RABGAP1L: variants seen among roughly 807,000 people sequenced by gnomAD.
RABGAP1L encodes rab GTPase-activating protein 1-like.
In RABGAP1L, 63 loss-of-function variants were observed where a neutral mutation model predicts 137.7. The observed-to-expected ratio is 0.46, with a 90% CI of 0.37 to 0.56. The LOEUF (loss-of-function observed/expected upper bound fraction) is 0.56, where lower values mean the gene tolerates loss of function less well. Among genes scored for constraint, RABGAP1L ranks in the 20% least tolerant of loss-of-function variants. The pLI is 0.00. For synonymous variants in RABGAP1L, 431 were observed against 433.7 expected, an observed-to-expected ratio of 0.99 and a Z score of 0.08; for missense variants, 1,095 against 1,244.0, an observed-to-expected ratio of 0.88 and a Z score of 1.80.
intron 19 of RABGAP1L, among the ~76,000 whole-genome samples, chr1:174,952,372 A>G (rs568560960): frequency 9.0e-4 from 124 of 137,548 alleles, no homozygotes; most frequent in African/African-American, 3.2e-3. Flanking sequence ...AAAGCTAGGC[A>G]TGGTGGTGTG....
At chr1:174,359,590 A>G (rs1374169273) in intron 11 of RABGAP1L, among the ~76,000 whole-genome samples, 1 of 152,148 alleles carries the variant, frequency 6.6e-6, no homozygotes, top group Non-Finnish European at 1.5e-5. Flanking sequence ...AGTGCCCAAC[A>G]TTTACTGGAT....
intron 11 of RABGAP1L, among the ~76,000 whole-genome samples, chr1:174,342,531 T>C (rs755737804): frequency 5.9e-5 from 9 of 152,178 alleles, no homozygotes; most frequent in South Asian, 2.1e-4. Context: ...GTAAAGCTAG[T>C]CACTGATTTA....
intron 1 of RABGAP1L, among the ~76,000 whole-genome samples, chr1:174,178,184 G>A (rs1367620283): frequency 6.6e-6 from 1 of 152,124 alleles, no homozygotes; most frequent in Non-Finnish European, 1.5e-5. Flanking sequence ...TCTCCTTGAA[G>A]AGGTCCTTCA....
At chr1:174,784,781 T>A (rs1341253996) in intron 18 of RABGAP1L, among the ~76,000 whole-genome samples, 1 of 152,176 alleles carries the variant, frequency 6.6e-6, no homozygotes, top group Non-Finnish European at 1.5e-5. Flanking sequence ...GGTGTTTACC[T>A]GGTACTAGGC....
intron 18 of RABGAP1L, among the ~76,000 whole-genome samples, chr1:174,775,238 A>G (rs938277432): frequency 6.6e-6 from 1 of 152,182 alleles, no homozygotes; most frequent in Admixed American, 6.5e-5. Context: ...CTGCAAGGGA[A>G]CTAGGAAATA....
intron 1 of RABGAP1L, among the ~76,000 whole-genome samples, chr1:174,199,358 C>CT (rs1667940071): frequency 6.6e-6 from 1 of 151,952 alleles, no homozygotes; most frequent in Non-Finnish European, 1.5e-5. Flanking sequence ...GTGGTGTGGT[C>CT]TTGGCTCACT....
chr1:174,286,868 T>A (rs1467000315), intron 10 of RABGAP1L, among the ~76,000 whole-genome samples: 1 of 152,172 alleles, frequency 6.6e-6, no homozygotes, highest in Admixed American at 6.5e-5. Flanking sequence ...TGTTTTTATT[T>A]CTAGTTTTAT....
intron 19 of RABGAP1L, chr1:174,874,569 C>A: frequency 4.2e-4 from 251 of 595,202 alleles, no homozygotes; most frequent in Middle Eastern, 8.8e-4. Flanking sequence ...TAATTCTCCA[C>A]ACCACTGCCT....
intron 1 of RABGAP1L, among the ~76,000 whole-genome samples, chr1:174,192,791 G>T (rs1476199746): frequency 6.6e-6 from 1 of 152,108 alleles, no homozygotes; most frequent in Admixed American, 6.6e-5. Flanking sequence ...AAAGGAATAG[G>T]TTTTTTGCCA....
At chr1:174,491,523 G>T (rs924170181) in intron 13 of RABGAP1L, among the ~76,000 whole-genome samples, 11 of 151,848 alleles carry the variant, frequency 7.2e-5, no homozygotes, top group South Asian at 2.1e-4. Context: ...AGCCACAAGG[G>T]GTCTCTTTTG....
intron 4 of RABGAP1L, chr1:174,238,875 C>T (rs573428331): frequency 6.3e-5 from 10 of 157,602 alleles, no homozygotes; most frequent in Non-Finnish European, 1.1e-4. Flanking sequence ...GCCTTGCTGC[C>T]GCCTTGCAGT....
chr1:174,237,481 G>C (rs374878510), intron 4 of RABGAP1L, among the ~76,000 whole-genome samples: 1 of 71,310 alleles, frequency 1.4e-5, no homozygotes, highest in African/African-American at 5.9e-5. Flanking sequence ...GACAAAATCT[G>C]TCAGCATTTG....
rs200546103 is a variant in RABGAP1L at position 174,957,565 on chromosome 1, T to G, written c.2433+16T>G. 1.1e-4 allele frequency: 180 copies of G among 1,578,696 alleles called. No homozygotes were observed. In the African/African-American group the frequency reaches 2.1e-3, roughly 18 times the overall value. On this transcript the variant is annotated intron_variant, in intron 20 of 25. Transcript: ENST00000681986. ...TAGATACAAGGTATGAGAAATATGT[T>G]GCACCTATCAAAGTACCTTCTTTTT...
intron 11 of RABGAP1L, among the ~76,000 whole-genome samples, chr1:174,311,820 T>A (rs1678882897): frequency 6.6e-6 from 1 of 152,182 alleles, no homozygotes; most frequent in South Asian, 2.1e-4. Flanking sequence ...TTGGCCAGGC[T>A]TGTCTCAAAC....
At chr1:174,367,745 A>G in intron 11 of RABGAP1L, 1 of 194,174 alleles carries the variant, frequency 5.2e-6, no homozygotes, top group Admixed American at 5.2e-5. Context: ...TTCTAACTGC[A>G]AGTCCAGTGA....
chr1:174,615,111 T>G (rs555912728), intron 13 of RABGAP1L, among the ~76,000 whole-genome samples: 2 of 152,360 alleles, frequency 1.3e-5, no homozygotes, highest in East Asian at 3.9e-4. Context: ...CTTTGTTTCG[T>G]TGCTGGTGAG....
intron 19 of RABGAP1L, among the ~76,000 whole-genome samples, chr1:174,952,047 T>C (rs771808020): frequency 6.6e-6 from 1 of 152,196 alleles, no homozygotes; most frequent in African/African-American, 2.4e-5. Flanking sequence ...TAAGTTCTTT[T>C]CAAGTTACTA....
At chr1:174,488,639 A>AT (rs902877083) in intron 13 of RABGAP1L, among the ~76,000 whole-genome samples, 2 of 151,168 alleles carry the variant, frequency 1.3e-5, no homozygotes, top group South Asian at 2.1e-4. Context: ...CATTCTCTAC[A>AT]TTTTTTTAAG....
At chr1:174,377,558 A>T (rs977950773) in intron 12 of RABGAP1L, among the ~76,000 whole-genome samples, 1 of 152,172 alleles carries the variant, frequency 6.6e-6, no homozygotes, top group Non-Finnish European at 1.5e-5. Context: ...CTAAACAGAC[A>T]TTTTCTAAAG....
Sources: allele counts gnomAD v4.1 joint callset (sites outside exome capture counted in the v4.1 genomes callset), GRCh38; gene constraint gnomAD v4.1.1; transcripts MANE v1.5; gene names NCBI Gene and HGNC (gene_info 2026-07-23, HGNC 2026-07-21).